Variants in SYT1 observed in about 807,000 individuals in gnomAD.
SYT1 encodes the protein synaptotagmin 1, also known as synaptotagmin-1.
A neutral mutation model predicts 44.8 loss-of-function variants in SYT1; 8 were observed. The ratio of observed to expected loss-of-function variants is 0.18; its 90% CI spans 0.10 to 0.32. The LOEUF (loss-of-function observed/expected upper bound fraction) is 0.32, where lower values mean the gene tolerates loss of function less well. Ranked by LOEUF, SYT1 falls within the 10% of genes least tolerant of loss-of-function variation. The probability of loss-of-function intolerance (pLI) is 1.00; values close to 1 mark genes in which losing one functional copy is unlikely to be tolerated. For missense variants in SYT1, 286 were observed against 509.3 expected, an observed-to-expected ratio of 0.56 and a Z score of 4.22; for synonymous variants, 154 against 188.8, an observed-to-expected ratio of 0.82 and a Z score of 1.51.
chr12:79,157,076 C>T (rs1870644163), intron 3 of SYT1, among the ~76,000 whole-genome samples: 1 of 152,120 alleles, frequency 6.6e-6, no homozygotes, highest in Non-Finnish European at 1.5e-5. Context: ...TTGTAGAGTT[C>T]AAGTAGACTG....
chr12:78,965,765 G>A (rs7309055), intron 1 of SYT1, among the ~76,000 whole-genome samples: 10,971 of 152,034 alleles, frequency 0.072, 443 homozygotes, highest in African/African-American at 0.1. Context: ...GTTGCGTGGA[G>A]CCTAGTAAAT....
At chr12:78,941,777 G>A (rs1417378028) in intron 1 of SYT1, among the ~76,000 whole-genome samples, 1 of 152,066 alleles carries the variant, frequency 6.6e-6, no homozygotes, top group Non-Finnish European at 1.5e-5. Flanking sequence ...TGAGCTAATA[G>A]ACACCTGGTC....
intron 1 of SYT1, among the ~76,000 whole-genome samples, chr12:78,918,681 A>G (rs1348886729): frequency 6.6e-6 from 1 of 152,094 alleles, no homozygotes; most frequent in Non-Finnish European, 1.5e-5. Flanking sequence ...CAATACACAG[A>G]GAGACCAACT....
intron 1 of SYT1, among the ~76,000 whole-genome samples, chr12:78,929,098 A>G (rs1015216971): frequency 2.6e-5 from 4 of 151,986 alleles, no homozygotes; most frequent in African/African-American, 9.7e-5. Flanking sequence ...AAATTTGGAT[A>G]AATATATAAA....
chr12:79,150,384 T>A (rs939211690), intron 3 of SYT1, among the ~76,000 whole-genome samples: 1 of 152,228 alleles, frequency 6.6e-6, no homozygotes, highest in Non-Finnish European at 1.5e-5. Flanking sequence ...CACTTATATA[T>A]GGACTCTTAA....
At chr12:78,974,620 T>A (rs1480816079) in intron 1 of SYT1, among the ~76,000 whole-genome samples, 9 of 151,870 alleles carry the variant, frequency 5.9e-5, no homozygotes, top group Admixed American at 1.3e-4. Context: ...GCATTTTTAG[T>A]AGAGACGGGG....
chr12:79,435,980 A>G lies in SYT1; in HGVS notation c.929-8093A>G, dbSNP rs576604538. Among the ~76,000 whole-genome samples, 4 of 152,294 alleles carry G rather than the reference A, an allele frequency of 2.6e-5. No individual in the cohort carries two copies. In the South Asian group the frequency reaches 8.3e-4, roughly 32 times the overall value. On this transcript the variant is annotated intron_variant, in intron 9 of 10. Transcript: ENST00000261205. ...AAGTTATACATATCACTTCCCTGTA[A>G]GAGTCAGAAGATAACATGTGGACAC...
chr12:79,050,168 C>CTA (rs34835458), intron 3 of SYT1, among the ~76,000 whole-genome samples: 30,253 of 151,838 alleles, frequency 0.2, 3,326 homozygotes, highest in East Asian at 0.31. Flanking sequence ...ATTATATACT[C>CTA]TTCTTAACAA....
At chr12:79,127,682 A>C (rs573582728) in intron 3 of SYT1, among the ~76,000 whole-genome samples, 1 of 152,326 alleles carries the variant, frequency 6.6e-6, no homozygotes, top group East Asian at 1.9e-4. Context: ...ATGTGCTGCC[A>C]ACATCCTGCA....
chr12:78,980,921 G>T (rs141276367), intron 2 of SYT1, among the ~76,000 whole-genome samples: 10 of 152,144 alleles, frequency 6.6e-5, no homozygotes, highest in African/African-American at 2.4e-4. Context: ...AGCCAGGGGG[G>T]AGAGGGAGAT....
intron 3 of SYT1, among the ~76,000 whole-genome samples, chr12:79,179,460 T>TATATATATCCATATAG (rs1872321054): frequency 2.6e-5 from 2 of 78,418 alleles, no homozygotes; most frequent in African/African-American, 1.2e-4. Flanking sequence ...AGATATAATC[T>TATATATATCCATATAG]ATATAGATAT....
intron 1 of SYT1, among the ~76,000 whole-genome samples, chr12:78,943,672 C>A (rs553126070): frequency 6.6e-5 from 10 of 152,200 alleles, no homozygotes; most frequent in Non-Finnish European, 1.5e-4. Flanking sequence ...ATGTCGAATA[C>A]TAAAACTAGT....
At chr12:79,343,271 A>T (rs1424047105) in intron 8 of SYT1, among the ~76,000 whole-genome samples, 1 of 152,214 alleles carries the variant, frequency 6.6e-6, no homozygotes, top group African/African-American at 2.4e-5. Flanking sequence ...ATTGTAACCA[A>T]TTTCTTCAAG....
In SYT1 at chr12:79,036,688, T is replaced by C. The variant is rs540972172; in HGVS notation, c.-83-10609T>C. 7.9e-5 allele frequency: 12 copies of C among 151,956 alleles called. No homozygotes were observed. The South Asian group carries it at 2.5e-3, about 32-fold the overall frequency. 9.4% of individuals were successfully genotyped at this position (151,956 alleles called of 1,614,324 possible). A position where few individuals can be genotyped will look rare whatever the true frequency, so the allele number is the denominator to read the frequency against. On this transcript the variant is annotated intron_variant, in intron 2 of 10. Transcript: ENST00000261205. ...TAAATTACCTTTGGCATTCTCTCCT[T>C]TATATTAAAGCCCCTTTCAGTGGTA...
intron 9 of SYT1, among the ~76,000 whole-genome samples, chr12:79,412,887 A>G (rs1204435346): frequency 6.6e-6 from 1 of 152,166 alleles, no homozygotes; most frequent in Non-Finnish European, 1.5e-5. Flanking sequence ...TACCGATTCA[A>G]TAGACCAAAA....
At chr12:78,984,879 A>C (rs1869528685) in intron 2 of SYT1, among the ~76,000 whole-genome samples, 1 of 151,990 alleles carries the variant, frequency 6.6e-6, no homozygotes, top group Non-Finnish European at 1.5e-5. Flanking sequence ...CCCACAATAG[A>C]AAAAGAATTA....
intron 6 of SYT1, among the ~76,000 whole-genome samples, chr12:79,294,984 T>C (rs1388332226): frequency 2.6e-5 from 4 of 152,078 alleles, no homozygotes; most frequent in Non-Finnish European, 5.9e-5. Context: ...CTAGCCAAAA[T>C]GCACTTAAGT....
intron 3 of SYT1, among the ~76,000 whole-genome samples, chr12:79,170,264 G>A (rs1871438883): frequency 6.6e-6 from 1 of 152,010 alleles, no homozygotes; most frequent in South Asian, 2.1e-4. Flanking sequence ...GGTCTTTGAG[G>A]CATTGCCACA....
intron 8 of SYT1, among the ~76,000 whole-genome samples, chr12:79,338,637 ACTTCCTTT>A (rs1475152510): frequency 1.8e-5 from 1 of 55,714 alleles, no homozygotes; most frequent in Non-Finnish European, 3.3e-5. Flanking sequence ...TCCCTTCCTT[ACTTCCTTT>A]CTTCCTTCCT....
Sources: gnomAD v4.1 joint callset for allele counts (sites outside exome capture counted in the v4.1 genomes callset) on GRCh38, gnomAD v4.1.1 for gene constraint, MANE v1.5 for transcripts, NCBI Gene and HGNC (gene_info 2026-07-23, HGNC 2026-07-21) for gene names.